TCOF1: variants seen among roughly 807,000 people sequenced by gnomAD.
The protein encoded by TCOF1 is treacle ribosome biogenesis factor 1, also known as treacle protein.
A neutral mutation model predicts 149.0 loss-of-function variants in TCOF1; 33 were observed. The observed-to-expected ratio is 0.22, with a 90% CI of 0.17 to 0.30. The LOEUF (loss-of-function observed/expected upper bound fraction) is 0.30, where lower values mean the gene tolerates loss of function less well. Ranked by LOEUF, TCOF1 falls within the 10% of genes least tolerant of loss-of-function variation. TCOF1 has a pLI of 1.00. For missense variants in TCOF1, 1,728 were observed against 1,840.7 expected (o/e 0.94, Z 1.12); for synonymous variants, 789 against 738.8 (o/e 1.07, Z -1.10).
rs758567136 is a variant in TCOF1 at position 150,375,596 on chromosome 5, C to T, written c.1704+42C>T. The stretch of plus-strand genomic sequence containing the variant: ...TAAGGCTCTTTCTTTTTCCCCCCCA[C>T]TCAGAGTGGAGCTGCCTGTGGCCTC... On this transcript the variant is annotated intron_variant, in intron 11 of 26. Coordinates refer to ENST00000643257, the MANE Select transcript of TCOF1 (RefSeq NM_001371623.1). 10 of 1,613,546 alleles carry T rather than the reference C, an allele frequency of 6.2e-6. No homozygotes were observed. In the South Asian group the frequency reaches 1.1e-4, roughly 18 times the overall value.
At chr5:150,383,336 G>C (rs1191725630) in intron 17 of TCOF1, among the ~76,000 whole-genome samples, 1 of 152,298 alleles carries the variant, frequency 6.6e-6, no homozygotes, top group Non-Finnish European at 1.5e-5. Flanking sequence ...TCTGAGCCCT[G>C]TGAGGCAGGC....
At chr5:150,390,099 A>G (rs1767101871) in intron 19 of TCOF1, 76 bp downstream of exon 19, 2 of 1,546,242 alleles carry the variant, frequency 1.3e-6, no homozygotes, top group Non-Finnish European at 8.7e-7. Context: ...ACATGTGCTG[A>G]TGGGATGGCC....
intron 7 of TCOF1, among the ~76,000 whole-genome samples, chr5:150,373,352 CT>C (rs1335129064): frequency 6.6e-6 from 1 of 152,216 alleles, no homozygotes; most frequent in African/African-American, 2.4e-5. Context: ...TAAATGTGAA[CT>C]TTTATGTAAA....
chr5:150,396,974 A>G, intron 24 of TCOF1, 132 bp downstream of exon 24: 2 of 1,067,484 alleles, frequency 1.9e-6, no homozygotes, highest in Non-Finnish European at 1.4e-6. Flanking sequence ...CCTGGCCAAC[A>G]TGGCAAAACC....
Position 150,379,577 on chromosome 5 carries a change from C to G in TCOF1, c.2704C>G (p.Pro902Ala). The G allele has an allele frequency of 6.2e-7, 1 of 1,614,118 alleles. No homozygotes were observed. Among genetic ancestry groups the G allele is most frequent in the Non-Finnish European group, 8.5e-7 (1 of 1,180,026 alleles). ...KTHQIRAALAPAKESPRKGAA... is the reference protein window; with the variant it reads ...KTHQIRAALAAAKESPRKGAA... Reference sequence around the variant, plus strand: ...CCACCAGATCAGAGCTGCCTTGGCTCCTGCCAAGGAGTCCCCCAGGAAAGG... The same window carrying G: ...CCACCAGATCAGAGCTGCCTTGGCTGCTGCCAAGGAGTCCCCCAGGAAAGG... Residue 902 changes from proline to alanine, a missense_variant, in exon 17 of 27, where the codon CCT becomes GCT. Coordinates refer to ENST00000643257, the MANE Select transcript of TCOF1 (RefSeq NM_001371623.1).
intron 2 of TCOF1, 44 bp from the exon 3 acceptor site, chr5:150,364,068 TG>T: frequency 6.2e-7 from 1 of 1,613,648 alleles, no homozygotes; most frequent in Non-Finnish European, 8.5e-7. Context: ...CTTGTGGAGT[TG>T]TTCTGTCACC....
intron 2 of TCOF1, 140 bp downstream of exon 2, chr5:150,361,351 C>T (rs773629721): frequency 3.3e-6 from 3 of 917,502 alleles, no homozygotes; most frequent in Non-Finnish European, 5.3e-6. Context: ...AGAAAGCCAG[C>T]TCACATCACA....
intron 3 of TCOF1, among the ~76,000 whole-genome samples, chr5:150,366,639 C>CTTTTTTT (rs1204091560): frequency 1.6e-5 from 1 of 64,382 alleles, no homozygotes; most frequent in Non-Finnish European, 2.9e-5. Flanking sequence ...CAACATTCTT[C>CTTTTTTT]TTTTTTTTTT....
intron 5 of TCOF1, 23 bp downstream of exon 5, chr5:150,368,925 A>T: frequency 6.2e-7 from 1 of 1,612,902 alleles, no homozygotes; most frequent in Admixed American, 1.7e-5. Flanking sequence ...CACCTCTAGG[A>T]ACCTAGTCCC....
Position 150,379,416 on chromosome 5 carries a change from G to C in TCOF1, c.2658+8G>C. ...GCGGAGACGCTGGCTCAGGTGAGGG[G>C]GAGGGAATGGAGATCATCCCCTACA... On this transcript the variant is annotated splice_region_variant and intron_variant, in intron 16 of 26. Coordinates refer to ENST00000643257, the MANE Select transcript of TCOF1 (RefSeq NM_001371623.1). 6.2e-7 allele frequency: 1 copy of C among 1,613,832 alleles called. No individual in the cohort carries two copies. The highest frequency in any genetic ancestry group is 1.7e-4 in the Middle Eastern group (1 of 6,054).
intron 25 of TCOF1, 112 bp from the exon 26 acceptor site, chr5:150,398,910 T>C: frequency 6.7e-7 from 1 of 1,496,892 alleles, no homozygotes; most frequent in Non-Finnish European, 9.3e-7. Context: ...TGGAGGTCGC[T>C]GCAGACCCAG....
At chr5:150,395,387 T>A (rs1436214938) in intron 23 of TCOF1, among the ~76,000 whole-genome samples, 1 of 152,120 alleles carries the variant, frequency 6.6e-6, no homozygotes, top group African/African-American at 2.4e-5. Flanking sequence ...CACTTGGAAG[T>A]TAGAGCCGGT....
At position 150,392,340 on chromosome 5, in the gene TCOF1, A is replaced by G. The variant is rs559816196; in HGVS notation, c.3517+164A>G. On this transcript the variant is annotated intron_variant, in intron 21 of 26. Transcript: ENST00000643257. ...CCTGTACAACTTCATGAGGAAGTCAATCCAAATGATTTCAGAGACCTGACT... is the reference window on the plus strand; with the variant it reads ...CCTGTACAACTTCATGAGGAAGTCAGTCCAAATGATTTCAGAGACCTGACT... The G allele has an allele frequency of 5.4e-4, 384 of 713,672 alleles. No homozygotes were observed. In the African/African-American group the frequency reaches 6.0e-3, roughly 11 times the overall value. 44.2% of individuals were successfully genotyped at this position (713,672 alleles called of 1,614,324 possible). A position where few individuals can be genotyped will look rare whatever the true frequency, so the allele number is the denominator to read the frequency against.
chr5:150,398,907 C>G (rs1168682113), intron 25 of TCOF1, 115 bp from the exon 26 acceptor site: 1 of 1,452,440 alleles, frequency 6.9e-7, no homozygotes, highest in South Asian at 1.2e-5. Context: ...CCTTGGAGGT[C>G]GCTGCAGACC....
chr5:150,382,575 G>A (rs1765451343), intron 17 of TCOF1, among the ~76,000 whole-genome samples: 1 of 152,188 alleles, frequency 6.6e-6, no homozygotes, highest in South Asian at 2.1e-4. Context: ...AGATCTCTGA[G>A]TCCTCCTCTG....
intron 24 of TCOF1, among the ~76,000 whole-genome samples, chr5:150,397,202 C>CA (rs1268233894): frequency 5.4e-5 from 8 of 147,046 alleles, no homozygotes; most frequent in African/African-American, 7.5e-5. Flanking sequence ...TCCAGAGTCA[C>CA]AGGGGCAGCT....
chr5:150,392,534 T>TAGCG, intron 21 of TCOF1, 171 bp from the exon 22 acceptor site: 2 of 669,498 alleles, frequency 3.0e-6, no homozygotes, highest in Non-Finnish European at 5.3e-6. Context: ...ATGCTGTGAC[T>TAGCG]AGCGATAAGT....
chr5:150,399,610 C>T (rs1215573250), intron 26 of TCOF1, among the ~76,000 whole-genome samples, 200 bp from the exon 27 acceptor site: 6 of 152,150 alleles, frequency 3.9e-5, no homozygotes, highest in Non-Finnish European at 8.8e-5. Context: ...CAGAGCCCGC[C>T]TCCTGGGCCA....
rs1430902687 is a variant in TCOF1, at chr5:150,386,025, G to GC, written c.2860-1876dup. 3.9e-5 allele frequency among the ~76,000 whole-genome samples: 6 copies of GC among 152,222 alleles called. No homozygotes were observed. The East Asian group carries it at 9.6e-4, about 24-fold the overall frequency. ...AAACTGAGGATCAGAAAGTTGAGGGGCTTGACCACACAGTGAAGTCATGAG... is the reference window on the plus strand; with the variant it reads ...AAACTGAGGATCAGAAAGTTGAGGGGCCTTGACCACACAGTGAAGTCATGAG... On this transcript the variant is annotated intron_variant, in intron 17 of 26. Transcript: ENST00000643257.
Sources: gnomAD v4.1 joint callset for allele counts (sites outside exome capture counted in the v4.1 genomes callset) on GRCh38, gnomAD v4.1.1 for gene constraint, MANE v1.5 for transcripts, NCBI Gene and HGNC (gene_info 2026-07-23, HGNC 2026-07-21) for gene names.